LRRC37A3: variants seen among roughly 807,000 people sequenced by gnomAD.
LRRC37A3 encodes the protein leucine-rich repeat-containing protein 37A3.
In LRRC37A3, 25 loss-of-function variants were observed where a neutral mutation model predicts 106.2. That is an observed-to-expected ratio of 0.24 (90% CI 0.17 to 0.33). LRRC37A3 has a LOEUF of 0.33. LRRC37A3 is among the 10% of genes least tolerant of loss of function. LRRC37A3 has a pLI of 1.00. For missense variants in LRRC37A3, 712 were observed against 1,644.9 expected (o/e 0.43, Z 9.81); for synonymous variants, 305 against 635.8 (o/e 0.48, Z 7.83).
chr17:64,867,154 C>G (rs1324068121), intron 10 of LRRC37A3, among the ~76,000 whole-genome samples: 1 of 150,562 alleles, frequency 6.6e-6, no homozygotes, highest in African/African-American at 2.4e-5. Context: ...TAACTTAAAG[C>G]TGGTCAAAAT....
rs189764962 is a variant in LRRC37A3, at chr17:64,878,248, A to G, written c.2906+7838T>C. ...GGGACACAGCCTGATTTAAAACCAA[A>G]CACTGAACCTTTTTAAAGAAGAATA... is the stretch of plus-strand genomic sequence containing the variant. On this transcript the variant is annotated intron_variant, in intron 8 of 14. Coordinates refer to ENST00000584306, the MANE Select transcript of LRRC37A3 (RefSeq NM_199340.5). Among the ~76,000 whole-genome samples the G allele has an allele frequency of 6.1e-3, 930 of 152,350 alleles. 5 individuals carry two copies. The highest frequency in any genetic ancestry group is 0.01 in the Middle Eastern group (3 of 294).
Position 64,854,316 on chromosome 17 carries a change from A to G in LRRC37A3, c.*283T>C. ...AGATGGGAGGTCCCCTGTGGGCAGG[A>G]GTTCAAGTATGTGGTATTATATGAC... On this transcript the variant is annotated 3_prime_UTR_variant, in exon 15 of 15. Transcript: ENST00000584306. 1 of 550,550 alleles carries G rather than the reference A, an allele frequency of 1.8e-6. No homozygotes were observed. Among genetic ancestry groups the G allele is most frequent in the South Asian group, 2.1e-5 (1 of 47,134 alleles). The allele number at this position is 550,550 out of a possible 1,614,324, so 34.1% of individuals were successfully genotyped here. A position where few individuals can be genotyped will look rare whatever the true frequency, so the allele number is the denominator to read the frequency against.
intron 10 of LRRC37A3, among the ~76,000 whole-genome samples, chr17:64,866,318 G>C (rs1297281776): frequency 1.3e-5 from 2 of 151,908 alleles, no homozygotes; most frequent in East Asian, 1.9e-4. Flanking sequence ...AGCAGTAAAA[G>C]AGATCTGACA....
At position 64,860,659 on chromosome 17, in the gene LRRC37A3, T is replaced by C. The variant is rs375567971; in HGVS notation, c.3487A>G (p.Arg1163Gly). Residue 1163 changes from arginine to glycine, a missense_variant, in exon 12 of 15, where the codon AGA (arginine) becomes GGA (glycine). Arg to Gly is a moderately radical substitution (Grantham distance 125). Coordinates refer to ENST00000584306, the MANE Select transcript of LRRC37A3 (RefSeq NM_199340.5). ...GGGCCCATGAGGACTCTATTCAGTC[T>C]CTGCCGGTTTTTGCCTACAGTTTGA... Reference protein sequence around the residue: ...KIQTVGKNRQRLNRVLMGPRS... With the variant: ...KIQTVGKNRQGLNRVLMGPRS... 70 of 1,614,056 alleles carry C rather than the reference T, an allele frequency of 4.3e-5. No individual in the cohort carries two copies. The African/African-American group carries it at 9.3e-4, about 22-fold the overall frequency.
Position 64,860,365 on chromosome 17 carries a change from G to A in LRRC37A3, c.3781C>T (p.Pro1261Ser), listed in dbSNP as rs376284450. The change falls in exon 12 of 15, where the codon CCT becomes TCT. Residue 1261 changes from proline (P) to serine (S), a missense_variant. Coordinates refer to ENST00000584306, the MANE Select transcript of LRRC37A3 (RefSeq NM_199340.5). ...CTCACCTGTGGTAGGGCTTTTGCAG[G>A]GCTGGAGGTAGAAGGCGCGCCCTTG... is the stretch of plus-strand genomic sequence containing the variant. ...FSKGAPSTSSPAKALPQVRDR... is the reference protein window; with the variant it reads ...FSKGAPSTSSSAKALPQVRDR... 5.0e-5 allele frequency: 80 copies of A among 1,613,920 alleles called. No individual in the cohort carries two copies. In the African/African-American group the frequency reaches 8.7e-4, roughly 17 times the overall value.
intron 10 of LRRC37A3, among the ~76,000 whole-genome samples, chr17:64,866,628 A>ATATATTTTT (rs1491179388): frequency 1.1e-4 from 2 of 17,868 alleles, no homozygotes; most frequent in East Asian, 2.6e-3. Flanking sequence ...ATATATATAT[A>ATATATTTTT]TTTTTTTTTT....
At chr17:64,854,688 A>G (rs772623091) in intron 14 of LRRC37A3, 44 bp from the exon 15 acceptor site, 11 of 1,612,390 alleles carry the variant, frequency 6.8e-6, no homozygotes, top group Non-Finnish European at 9.3e-6. Context: ...TCTTGAAAGG[A>G]GCAATTAAGC....
At chr17:64,856,274 T>C (rs1972676411) in intron 13 of LRRC37A3, among the ~76,000 whole-genome samples, 1 of 151,912 alleles carries the variant, frequency 6.6e-6, no homozygotes. Flanking sequence ...TGGAGTGCGG[T>C]GTCACGATCA....
chr17:64,858,844 G>T lies in LRRC37A3; in HGVS notation c.4744C>A (p.Leu1582Ile). 1.2e-6 allele frequency: 2 copies of T among 1,610,686 alleles called. No individual in the cohort carries two copies. The highest frequency in any genetic ancestry group is 1.1e-5 in the South Asian group (1 of 90,948). ...ELPGYGYTKK[L>I]ILALIVTGIL... is the part of the protein sequence containing the mutation. ...CCAGTCACAATTAACGCCAAGATGA[G>T]TTTTTTGGTATAGCCATATCCTGGA... is the stretch of plus-strand genomic sequence containing the variant. Residue 1582 changes from leucine (L) to isoleucine (I), a missense_variant, in exon 13 of 15, where the codon CTC (leucine) becomes ATC (isoleucine). Coordinates refer to ENST00000584306, the MANE Select transcript of LRRC37A3 (RefSeq NM_199340.5).
At chr17:64,918,198 AAACTT>A (rs1305347199) in intron 2 of LRRC37A3, among the ~76,000 whole-genome samples, 1 of 151,940 alleles carries the variant, frequency 6.6e-6, no homozygotes, top group African/African-American at 2.4e-5. Context: ...TAAAAAAAAA[AAACTT>A]AAACAGAAAA....
Position 64,897,044 on chromosome 17 carries a change from G to A in LRRC37A3, c.214C>T (p.Pro72Ser). ...SHSSHFPRES[P>S]HAPTLPADPW... Reference sequence around the variant, plus strand: ...TCTGCTGGGAGAGTAGGCGCATGGGGAGATTCCCGTGGGAAATGGGAGGAG... The same window carrying A: ...TCTGCTGGGAGAGTAGGCGCATGGGAAGATTCCCGTGGGAAATGGGAGGAG... Residue 72 changes from proline to serine, a missense_variant, in exon 4 of 15, where the codon CCC becomes TCC. By Grantham distance (74) the Pro-to-Ser change is moderately conservative. Transcript: ENST00000584306. 1 of 1,599,412 alleles carries A rather than the reference G, an allele frequency of 6.3e-7. No homozygotes were observed. Among genetic ancestry groups the A allele is most frequent in the Non-Finnish European group, 8.5e-7 (1 of 1,175,728 alleles).
intron 8 of LRRC37A3, among the ~76,000 whole-genome samples, chr17:64,870,414 C>G (rs1973273691): frequency 6.6e-6 from 1 of 151,926 alleles, no homozygotes; most frequent in African/African-American, 2.4e-5. Context: ...CTTTTTAATT[C>G]TTTAAGGTGA....
chr17:64,855,689 C>G lies in LRRC37A3; in HGVS notation c.4859+151G>C. ...TGGTGGTGCATGCCTGTAATCCCAG[C>G]TACTCGGGAGGCTGAGGCAGGAGAA... On this transcript the variant is annotated intron_variant, in intron 14 of 14. Transcript: ENST00000584306. 4 of 1,161,284 alleles carry G rather than the reference C, an allele frequency of 3.4e-6. No homozygotes were observed. The South Asian group carries it at 4.2e-5, about 12-fold the overall frequency. The allele number at this position is 1,161,284 out of a possible 1,614,324, so 71.9% of individuals were successfully genotyped here. A position where few individuals can be genotyped will look rare whatever the true frequency, so the allele number is the denominator to read the frequency against.
chr17:64,854,720 A>G, intron 14 of LRRC37A3, 76 bp from the exon 15 acceptor site: 2 of 1,612,050 alleles, frequency 1.2e-6, no homozygotes, highest in Non-Finnish European at 1.7e-6. Flanking sequence ...TCCTCATTTT[A>G]GATGGGAACT....
At chr17:64,868,307 A>G (rs1481730024) in intron 10 of LRRC37A3, among the ~76,000 whole-genome samples, 155 bp downstream of exon 10, 2 of 152,138 alleles carry the variant, frequency 1.3e-5, no homozygotes, top group Admixed American at 1.3e-4. Context: ...TGGTTATGTA[A>G]CTATACATTT....
At chr17:64,911,340 GTCTT>G (rs1212749131) in intron 2 of LRRC37A3, among the ~76,000 whole-genome samples, 1 of 141,364 alleles carries the variant, frequency 7.1e-6, no homozygotes, top group Non-Finnish European at 1.5e-5. Context: ...CATCCAAAAT[GTCTT>G]TCTTCTTTTT....
Position 64,854,408 on chromosome 17 carries a change from C to T in LRRC37A3, c.*191G>A. On this transcript the variant is annotated 3_prime_UTR_variant, in exon 15 of 15. Transcript: ENST00000584306. ...TTATTTAATTGTAAAATCTCCACCC[C>T]CTGAGCATATGTTTTCAGGTCTGGG... 3 of 829,782 alleles carry T rather than the reference C, an allele frequency of 3.6e-6. No individual in the cohort carries two copies. The highest frequency in any genetic ancestry group is 1.7e-5 in the South Asian group (1 of 57,772). 51.4% of individuals were successfully genotyped at this position (829,782 alleles called of 1,614,324 possible).
chr17:64,893,743 A>G (rs1483697898), intron 4 of LRRC37A3, among the ~76,000 whole-genome samples: 2 of 137,088 alleles, frequency 1.5e-5, no homozygotes, highest in Non-Finnish European at 3.0e-5. Context: ...TCTGCCTCCC[A>G]GGTTCACGCC....
At chr17:64,854,849 A>G (rs1294625146) in intron 14 of LRRC37A3, among the ~76,000 whole-genome samples, 3 of 152,148 alleles carry the variant, frequency 2.0e-5, no homozygotes, top group Admixed American at 2.0e-4. Context: ...GTTTGTACAT[A>G]TCTTTAAGCC....
Sources: gnomAD v4.1 joint callset for allele counts (sites outside exome capture counted in the v4.1 genomes callset) on GRCh38, gnomAD v4.1.1 for gene constraint, MANE v1.5 for transcripts, NCBI Gene and HGNC (gene_info 2026-07-23, HGNC 2026-07-21) for gene names.